ATP11A: variants seen among roughly 807,000 people sequenced by gnomAD.
ATP11A encodes the protein phospholipid-transporting ATPase IH.
ATP11A carries 81 observed loss-of-function variants against 154.4 expected under a neutral mutation model. The observed-to-expected ratio is 0.52, with a 90% CI of 0.44 to 0.63. ATP11A has a LOEUF of 0.63. Ranked by LOEUF, ATP11A falls within the 30% of genes least tolerant of loss-of-function variation. The pLI is 0.00. For synonymous variants in ATP11A, 623 were observed against 585.9 expected (o/e 1.06, Z -0.91); for missense variants, 1,316 against 1,474.3 (o/e 0.89, Z 1.76).
intron 13 of ATP11A, among the ~76,000 whole-genome samples, chr13:112,831,789 C>G (rs1428330533): frequency 2.6e-5 from 4 of 152,242 alleles, no homozygotes; most frequent in Admixed American, 1.3e-4. Context: ...CATGCATGCA[C>G]CCAGACACCA....
chr13:112,830,221 G>C (rs2079049401), intron 12 of ATP11A, among the ~76,000 whole-genome samples: 1 of 152,192 alleles, frequency 6.6e-6, no homozygotes, highest in Non-Finnish European at 1.5e-5. Context: ...AGCTAAACAG[G>C]ATGATAAACC....
Position 112,859,504 on chromosome 13 carries a change from C to T in ATP11A, c.2727+52C>T, listed in dbSNP as rs755253167. The T allele has an allele frequency of 1.7e-5, 25 of 1,485,024 alleles. No individual in the cohort carries two copies. The highest frequency in any genetic ancestry group is 7.9e-5 in the South Asian group (7 of 88,336). 92.0% of individuals were successfully genotyped at this position (1,485,024 alleles called of 1,614,324 possible). A position where few individuals can be genotyped will look rare whatever the true frequency, so the allele number is the denominator to read the frequency against. ...GCTGTCTGAGCCTTCTTTTCCTTCC[C>T]GCAGTGGGTGGCTGCTGTGGGGAGG... On this transcript the variant is annotated intron_variant, in intron 23 of 29. Coordinates refer to ENST00000375645, the MANE Select transcript of ATP11A (RefSeq NM_015205.3). This position sits in a 1 kb window ranked among gnomAD's most constrained non-coding sequence, Gnocchi z 4.3.
At chr13:112,852,473 C>T (rs1182547471) in intron 18 of ATP11A, among the ~76,000 whole-genome samples, 1 of 152,196 alleles carries the variant, frequency 6.6e-6, no homozygotes, top group Non-Finnish European at 1.5e-5. Flanking sequence ...GCACAGAGCA[C>T]CGTGTAAAGA....
chr13:112,789,354 A>G (rs970709211), intron 2 of ATP11A, among the ~76,000 whole-genome samples: 1 of 150,230 alleles, frequency 6.7e-6, no homozygotes, highest in Non-Finnish European at 1.5e-5. Flanking sequence ...GAGTGTCCTG[A>G]CGTGTAGACC....
In ATP11A at chr13:112,690,368, G is replaced by A; in HGVS notation, c.-49G>A. ...ACCCCGGAGCCCATGGGCGCGCCGA[G>A]CCGGGCGCGGGGGCGCTGAACGGCG... On this transcript the variant is annotated 5_prime_UTR_variant, in exon 1 of 30. Transcript: ENST00000375645. The surrounding 1 kb of genome is among the most constrained non-coding windows in gnomAD (Gnocchi z 5.6). 8.0e-7 allele frequency: 1 copy of A among 1,248,094 alleles called. No individual in the cohort carries two copies. Among genetic ancestry groups the A allele is most frequent in the Non-Finnish European group, 1.0e-6 (1 of 996,178 alleles). The allele number at this position is 1,248,094 out of a possible 1,614,324, so 77.3% of individuals were successfully genotyped here.
In ATP11A at chr13:112,697,995, G is replaced by C. The variant is rs145262750; in HGVS notation, c.39+7540G>C. 2.0e-4 allele frequency among the ~76,000 whole-genome samples: 30 copies of C among 152,242 alleles called. No homozygotes were observed. The highest frequency in any genetic ancestry group is 3.4e-3 in the Middle Eastern group (1 of 294). The stretch of plus-strand genomic sequence containing the variant: ...TTCCAGGCAGGCATTTCCCAATTTT[G>C]TTAGATTCTCAAGGGAGCCCCTGCC... On this transcript the variant is annotated intron_variant, in intron 1 of 29. Coordinates refer to ENST00000375645, the MANE Select transcript of ATP11A (RefSeq NM_015205.3). This position sits in a 1 kb window ranked among gnomAD's most constrained non-coding sequence, Gnocchi z 4.0.
At chr13:112,849,333 G>A (rs971449104) in intron 17 of ATP11A, among the ~76,000 whole-genome samples, 1 of 152,186 alleles carries the variant, frequency 6.6e-6, no homozygotes, top group Non-Finnish European at 1.5e-5. Context: ...TTTATGTGCT[G>A]TGTCCAGGGT....
rs147905384 is a variant in ATP11A at position 112,860,382 on chromosome 13, T to C, written c.2823T>C (p.Ile941=). The change falls in exon 24 of 30, where the codon ATT becomes ATC. Residue 941 remains isoleucine (I), a synonymous_variant. Coordinates refer to ENST00000375645, the MANE Select transcript of ATP11A (RefSeq NM_015205.3). The part of the protein sequence containing the change: ...LYSLMEQHVG[I]DVLKRDPTLY... ...GCCTCATGGAGCAGCATGTTGGCATTGACGTGCTCAAGAGAGACCCGACCC... is the reference window on the plus strand; with the variant it reads ...GCCTCATGGAGCAGCATGTTGGCATCGACGTGCTCAAGAGAGACCCGACCC... 22 of 1,614,056 alleles carry C rather than the reference T, an allele frequency of 1.4e-5. No individual in the cohort carries two copies. The African/African-American group carries it at 2.4e-4, about 18-fold the overall frequency.
rs905264072 is a variant in ATP11A at position 112,728,474 on chromosome 13, C to T, written c.39+38019C>T. On this transcript the variant is annotated intron_variant, in intron 1 of 29. Coordinates refer to ENST00000375645, the MANE Select transcript of ATP11A (RefSeq NM_015205.3). ...GGAGGGGCCGTGAGACCGTGCAGCC[C>T]GCTTCCCTGTGTTACCTGTATGTAC... Among the ~76,000 whole-genome samples, 29 of 150,494 alleles carry T rather than the reference C, an allele frequency of 1.9e-4. No homozygotes were observed. The South Asian group carries it at 2.9e-3, about 15-fold the overall frequency.
chr13:112,863,654 CCCAGCGGGA>C (rs2140373688), intron 25 of ATP11A, among the ~76,000 whole-genome samples: 1 of 146,752 alleles, frequency 6.8e-6, no homozygotes, highest in Non-Finnish European at 1.5e-5. Flanking sequence ...CATGCAGCTT[CCCAGCGGGA>C]TCCATCACCA....
chr13:112,882,728 C>T lies in ATP11A; in HGVS notation c.*862C>T. On this transcript the variant is annotated 3_prime_UTR_variant, in exon 30 of 30. Transcript: ENST00000375645. This position sits in a 1 kb window ranked among gnomAD's most constrained non-coding sequence, Gnocchi z 5.1. Reference sequence around the variant, plus strand: ...GCCGCAGAAGTGCCAGGATGTCCATCAGCCACTCGCCAGGGCACGGAGCCG... The same window carrying T: ...GCCGCAGAAGTGCCAGGATGTCCATTAGCCACTCGCCAGGGCACGGAGCCG... The T allele has an allele frequency of 2.5e-6, 1 of 399,906 alleles. No homozygotes were observed. Among genetic ancestry groups the T allele is most frequent in the Non-Finnish European group, 4.4e-6 (1 of 227,154 alleles). The allele number at this position is 399,906 out of a possible 1,614,324, so 24.8% of individuals were successfully genotyped here.
chr13:112,769,305 G>C (rs570192984), intron 1 of ATP11A, among the ~76,000 whole-genome samples: 4 of 152,332 alleles, frequency 2.6e-5, no homozygotes, highest in Admixed American at 2.0e-4. Context: ...CCTCCTCTCT[G>C]AGGCTCAGAG....
intron 10 of ATP11A, among the ~76,000 whole-genome samples, chr13:112,824,997 C>A (rs2078896163): frequency 6.6e-6 from 1 of 152,138 alleles, no homozygotes; most frequent in Non-Finnish European, 1.5e-5. Context: ...ACTTTTCTCC[C>A]CCTCCTTTCC....
At position 112,857,864 on chromosome 13, in the gene ATP11A, C is replaced by G; in HGVS notation, c.2465C>G (p.Ala822Gly). ...KFSKEHPITL[A>G]IGDGANDVSM... The stretch of plus-strand genomic sequence containing the variant: ...TCAAAAGAGCACCCAATCACGTTAG[C>G]AATTGGCGATGGTGCAAATGATGTC... The change falls in exon 21 of 30, where the codon GCA becomes GGA. Residue 822 changes from alanine to glycine, a missense_variant. This residue lies in a region of ATP11A where 876 missense variants were observed against 1,006.8 expected (regional missense o/e 0.87). Coordinates refer to ENST00000375645, the MANE Select transcript of ATP11A (RefSeq NM_015205.3). The G allele has an allele frequency of 6.2e-7, 1 of 1,614,188 alleles. No homozygotes were observed. Among genetic ancestry groups the G allele is most frequent in the South Asian group, 1.1e-5 (1 of 91,086 alleles).
rs750343952 is a variant in ATP11A at position 112,721,831 on chromosome 13, AAAG to A, written c.39+31380_39+31382del. On this transcript the variant is annotated intron_variant, in intron 1 of 29. Transcript: ENST00000375645. The stretch of plus-strand genomic sequence containing the variant: ...CCCAAATTCAGATTAGTATGAGCAA[AAAG>A]AAGGAGACCACATAGGAGCCAGGAT... Among the ~76,000 whole-genome samples the A allele has an allele frequency of 9.9e-5, 15 of 152,196 alleles. No homozygotes were observed. In the East Asian group the frequency reaches 1.2e-3, roughly 12 times the overall value.
In ATP11A at chr13:112,690,085, A is replaced by C. The variant is rs1345017525; in HGVS notation, c.-332A>C. Among the ~76,000 whole-genome samples the C allele has an allele frequency of 6.7e-6, 1 of 148,450 alleles. No homozygotes were observed. On this transcript the variant is annotated 5_prime_UTR_variant, in exon 1 of 30. Transcript: ENST00000375645. This position sits in a 1 kb window ranked among gnomAD's most constrained non-coding sequence, Gnocchi z 5.6. ...AGGAGACTCGGGAGGAGCAGAGCGC[A>C]GGCTCCGCCGCGGCCGGGGTGCTCC... is the stretch of plus-strand genomic sequence containing the variant.
chr13:112,857,893 A>G lies in ATP11A; in HGVS notation c.2494A>G (p.Met832Val), dbSNP rs2079976922. The stretch of plus-strand genomic sequence containing the variant: ...TGGCGATGGTGCAAATGATGTCAGC[A>G]TGATTCTGGAAGCGCACGTGGGCAT... ...AIGDGANDVS[M>V]ILEAHVGIGV... The change falls in exon 21 of 30, where the codon ATG becomes GTG. Residue 832 changes from methionine (M) to valine (V), a missense_variant. Met to Val is a conservative substitution (Grantham distance 21, BLOSUM62 1). Coordinates refer to ENST00000375645, the MANE Select transcript of ATP11A (RefSeq NM_015205.3). The G allele has an allele frequency of 3.1e-6, 5 of 1,614,242 alleles. No homozygotes were observed. Among genetic ancestry groups the G allele is most frequent in the Non-Finnish European group, 4.2e-6 (5 of 1,180,042 alleles).
At chr13:112,741,726 T>A (rs1288873133) in intron 1 of ATP11A, among the ~76,000 whole-genome samples, 1 of 152,196 alleles carries the variant, frequency 6.6e-6, no homozygotes, top group Admixed American at 6.5e-5. Flanking sequence ...GGATGCCGGC[T>A]GTTTTTGTTT....
intron 1 of ATP11A, among the ~76,000 whole-genome samples, chr13:112,740,912 C>G (rs2139748595): frequency 6.6e-6 from 1 of 152,350 alleles, no homozygotes; most frequent in Middle Eastern, 3.4e-3. Context: ...CAGCGTTATT[C>G]AGGGCGGAAT....
Sources: gnomAD v4.1 joint callset for allele counts (sites outside exome capture counted in the v4.1 genomes callset) on GRCh38, gnomAD v4.1.1 for gene constraint, gnomAD v4.1.1 regional missense constraint, Gnocchi (gnomAD v3.1) non-coding constraint, MANE v1.5 for transcripts, NCBI Gene and HGNC (gene_info 2026-07-23, HGNC 2026-07-21) for gene names.